Variants in TMTC4 observed in about 807,000 individuals in gnomAD.
TMTC4 encodes the protein transmembrane O-mannosyltransferase targeting cadherins 4.
TMTC4 carries 65 observed loss-of-function variants against 86.0 expected under a neutral mutation model. That is an observed-to-expected ratio of 0.76 (90% CI 0.62 to 0.93). The LOEUF (loss-of-function observed/expected upper bound fraction) is 0.93. TMTC4 is among the 40% of genes least tolerant of loss of function. TMTC4 has a pLI of 0.00. For synonymous variants in TMTC4, 379 were observed against 382.5 expected (o/e 0.99, Z 0.11); for missense variants, 866 against 948.1 (o/e 0.91, Z 1.14).
intron 5 of TMTC4, among the ~76,000 whole-genome samples, chr13:100,660,354 GA>G (rs1885625402): frequency 2.2e-5 from 3 of 137,322 alleles, no homozygotes; most frequent in Non-Finnish European, 3.2e-5. Flanking sequence ...AAAAAGAAAA[GA>G]AAAAAAAAGA....
In TMTC4 at chr13:100,664,266, T is replaced by C. The variant is rs776160008; in HGVS notation, c.290A>G (p.Asn97Ser). The C allele has an allele frequency of 6.2e-7, 1 of 1,612,058 alleles. No homozygotes were observed. The highest frequency in any genetic ancestry group is 1.3e-5 in the African/African-American group (1 of 74,772). The change falls in exon 4 of 19, where the codon AAC becomes AGC. Residue 97 changes from asparagine to serine, a missense_variant. By Grantham distance (46) the Asn-to-Ser change is conservative (BLOSUM62 1). Transcript: ENST00000342624. ...HDFWGSRLSS[N>S]TSHKSYRPLT... ...AGGCCGGTAGGACTTGTGGCTGGTG[T>C]TGCTGCTCAGTCTACTGCCCCAGAA... is the stretch of plus-strand genomic sequence containing the variant.
At chr13:100,618,149 CAT>C (rs1476345690) in intron 15 of TMTC4, among the ~76,000 whole-genome samples, 2 of 152,072 alleles carry the variant, frequency 1.3e-5, no homozygotes, top group East Asian at 3.9e-4. Flanking sequence ...ATGTGATTGG[CAT>C]ATAGATATGT....
At chr13:100,644,618 C>T (rs536995372) in intron 6 of TMTC4, among the ~76,000 whole-genome samples, 26 of 152,298 alleles carry the variant, frequency 1.7e-4, no homozygotes, top group African/African-American at 6.0e-4. Flanking sequence ...AAGTCTGGCC[C>T]TTTCAGCTTT....
At chr13:100,626,993 C>T (rs935972600) in intron 12 of TMTC4, among the ~76,000 whole-genome samples, 15 of 152,190 alleles carry the variant, frequency 9.9e-5, no homozygotes, top group African/African-American at 3.6e-4. Flanking sequence ...TGCCCCCTTT[C>T]CGCCACGTGA....
Position 100,604,856 on chromosome 13 carries a change from G to A in TMTC4, c.*138C>T, listed in dbSNP as rs1876327836. 1 of 941,092 alleles carries A rather than the reference G, an allele frequency of 1.1e-6. No individual in the cohort carries two copies. The highest frequency in any genetic ancestry group is 2.9e-5 in the South Asian group (1 of 34,038). 58.3% of individuals were successfully genotyped at this position (941,092 alleles called of 1,614,324 possible). On this transcript the variant is annotated 3_prime_UTR_variant, in exon 19 of 19. Coordinates refer to ENST00000342624, the MANE Select transcript of TMTC4 (RefSeq NM_032813.5). Reference sequence around the variant, plus strand: ...ATATTGCTGGTGCTATAATCTTTTTGCATGTCTTTGTTTTCATAGAAAAAA... The same window carrying A: ...ATATTGCTGGTGCTATAATCTTTTTACATGTCTTTGTTTTCATAGAAAAAA...
At chr13:100,647,196 G>A (rs553306262) in intron 6 of TMTC4, among the ~76,000 whole-genome samples, 2 of 152,280 alleles carry the variant, frequency 1.3e-5, no homozygotes, top group African/African-American at 4.8e-5. Flanking sequence ...TCTCCTATTA[G>A]CAGTTTATTT....
intron 6 of TMTC4, among the ~76,000 whole-genome samples, chr13:100,649,791 AAAT>A (rs891187100): frequency 6.6e-6 from 1 of 151,300 alleles, no homozygotes; most frequent in African/African-American, 2.4e-5. Flanking sequence ...ATAAATAAAT[AAAT>A]AAAAATTACT....
intron 15 of TMTC4, among the ~76,000 whole-genome samples, chr13:100,622,493 T>G (rs1879670144): frequency 6.6e-6 from 1 of 151,720 alleles, no homozygotes; most frequent in Non-Finnish European, 1.5e-5. Context: ...ATGGGGGTGG[T>G]TTCCCCCATA....
Position 100,631,789 on chromosome 13 carries a change from G to A in TMTC4, c.1506+3016C>T, listed in dbSNP as rs2138844451. ...GAAATAATGGGACTGAAGGAAACCA[G>A]TGTCTTCCTAAGTGAGATTACTTTC... On this transcript the variant is annotated intron_variant, in intron 12 of 18. Transcript: ENST00000342624. Among the ~76,000 whole-genome samples, 3 of 152,176 alleles carry A rather than the reference G, an allele frequency of 2.0e-5. No individual in the cohort carries two copies. The Middle Eastern group carries it at 0.01, about 518-fold the overall frequency.
chr13:100,666,499 G>A (rs1345186878), intron 3 of TMTC4, among the ~76,000 whole-genome samples: 1 of 152,276 alleles, frequency 6.6e-6, no homozygotes, highest in African/African-American at 2.4e-5. Flanking sequence ...CCCAGACACC[G>A]GGGCCTCCAC....
Position 100,660,040 on chromosome 13 carries a change from T to C in TMTC4, c.552+2924A>G, listed in dbSNP as rs556491161. Among the ~76,000 whole-genome samples the C allele has an allele frequency of 1.9e-4, 29 of 151,214 alleles. No homozygotes were observed. In the South Asian group the frequency reaches 5.5e-3, roughly 29 times the overall value. On this transcript the variant is annotated intron_variant, in intron 5 of 18. Coordinates refer to ENST00000342624, the MANE Select transcript of TMTC4 (RefSeq NM_032813.5). The stretch of plus-strand genomic sequence containing the variant: ...TAATATAAATGTTAATATAAAGAAA[T>C]TCATGTTAGGCCAGGTGCAGTGGCT...
intron 6 of TMTC4, among the ~76,000 whole-genome samples, chr13:100,645,743 CAG>C (rs1203519927): frequency 3.9e-5 from 6 of 152,230 alleles, no homozygotes; most frequent in Admixed American, 6.5e-5. Context: ...ATATTCCTCA[CAG>C]AGTTTATCAC....
At chr13:100,613,563 G>T (rs764029269) in intron 16 of TMTC4, among the ~76,000 whole-genome samples, 120 of 152,216 alleles carry the variant, frequency 7.9e-4, no homozygotes, top group Non-Finnish European at 1.4e-3. Context: ...TACTATCCAT[G>T]TCATTAGCCC....
At chr13:100,628,289 T>A (rs1246437108) in intron 12 of TMTC4, among the ~76,000 whole-genome samples, 1 of 152,234 alleles carries the variant, frequency 6.6e-6, no homozygotes, top group Non-Finnish European at 1.5e-5. Context: ...AGTGGAATTG[T>A]ACAGGATTTG....
rs1168744872 is a variant in TMTC4, at chr13:100,635,138, C to G, written c.1260G>C (p.Leu420=). 3 of 1,613,988 alleles carry G rather than the reference C, an allele frequency of 1.9e-6. No individual in the cohort carries two copies. The highest frequency in any genetic ancestry group is 2.7e-5 in the African/African-American group (2 of 75,034). Residue 420 remains leucine, a synonymous_variant, in exon 11 of 19, where the codon CTG becomes CTC. Transcript: ENST00000342624. The part of the protein sequence containing the change: ...LVIPFLPASN[L]FFRVGFVVAE... ...CGACCACGAAGCCCACTCGGAAGAA[C>G]AGGTTACTCGCGGGGAGAAATGGGA... is the stretch of plus-strand genomic sequence containing the variant.
intron 6 of TMTC4, among the ~76,000 whole-genome samples, chr13:100,654,012 A>C (rs1189705763): frequency 6.6e-6 from 1 of 152,212 alleles, no homozygotes; most frequent in African/African-American, 2.4e-5. Context: ...GCTCCATTTA[A>C]ATGAACGCTT....
chr13:100,625,471 T>C (rs750204567), intron 15 of TMTC4, 64 bp downstream of exon 15: 2 of 1,600,840 alleles, frequency 1.2e-6, no homozygotes, highest in Non-Finnish European at 1.7e-6. Flanking sequence ...ACTATGTCAT[T>C]TTATTATAAA....
At chr13:100,674,348 C>T (rs1333135127) in intron 1 of TMTC4, 1 of 978,564 alleles carries the variant, frequency 1.0e-6, no homozygotes, top group Non-Finnish European at 1.2e-6. Context: ...GGCGCGGGGC[C>T]CCGCGGCCAG....
At chr13:100,627,942 T>C (rs1405109192) in intron 12 of TMTC4, among the ~76,000 whole-genome samples, 1 of 152,054 alleles carries the variant, frequency 6.6e-6, no homozygotes, top group East Asian at 1.9e-4. Context: ...AGGGTGGTGG[T>C]GAATCTGTGG....
Sources: allele counts gnomAD v4.1 joint callset (sites outside exome capture counted in the v4.1 genomes callset), GRCh38; gene constraint gnomAD v4.1.1; transcripts MANE v1.5; gene names NCBI Gene and HGNC (gene_info 2026-07-23, HGNC 2026-07-21).